The following F8 variants were observed in gnomAD, a reference collection of about 807,000 sequenced individuals.
F8 encodes the protein coagulation factor VIII.
Under a neutral mutation model 140.6 loss-of-function variants are expected in F8, and 12 were observed. That is an observed-to-expected ratio of 0.09 (90% CI 0.05 to 0.14). The LOEUF is 0.14. F8 is among the 10% of genes least tolerant of loss of function. F8 has a pLI of 1.00. For missense variants in F8, 1,354 were observed against 1,720.7 expected (o/e 0.79, Z 3.77); for synonymous variants, 585 against 614.6 (o/e 0.95, Z 0.71).
intron 9 of F8, among the ~76,000 whole-genome samples, chrX:154,964,656 C>G (rs2073414593): frequency 8.9e-6 from 1 of 111,760 alleles, no homozygotes; most frequent in Non-Finnish European, 1.9e-5. Context: ...TTATGCACTA[C>G]ATTCAAAAGT....
At chrX:154,906,621 G>A in intron 14 of F8, 48 bp from the exon 15 acceptor site, 1 of 1,139,535 alleles carries the variant, frequency 8.8e-7, no homozygotes, top group Non-Finnish European at 1.2e-6. Flanking sequence ...GTACCAAGTG[G>A]GTAGAAATGC....
At chrX:154,927,860 C>G (rs1384136425) in intron 14 of F8, among the ~76,000 whole-genome samples, 1 of 111,799 alleles carries the variant, frequency 8.9e-6, no homozygotes, top group Non-Finnish European at 1.9e-5. Flanking sequence ...GGCCTGTTAT[C>G]ATCATTTAGG....
intron 14 of F8, among the ~76,000 whole-genome samples, chrX:154,918,390 C>T (rs1319336775): frequency 9.0e-6 from 1 of 111,088 alleles, no homozygotes; most frequent in Non-Finnish European, 1.9e-5. Flanking sequence ...TCTAGCTGCC[C>T]TCAGGATTTT....
At position 154,903,953 on chromosome X, in the gene F8, A is replaced by G; in HGVS notation, c.5951T>C (p.Val1984Ala). 1 of 1,208,882 alleles carries G rather than the reference A, an allele frequency of 8.3e-7. No homozygotes were observed. Among genetic ancestry groups the G allele is most frequent in the Non-Finnish European group, 1.1e-6 (1 of 893,419 alleles). ...CATTTTATACTCCTCTTTTTTTCGTACAGTGAACACATGTCCACTGAAATG... is the reference window on the plus strand; with the variant it reads ...CATTTTATACTCCTCTTTTTTTCGTGCAGTGAACACATGTCCACTGAAATG... The part of the protein sequence containing the change: ...SIHFSGHVFT[V>A]RKKEEYKMAL... The change falls in exon 18 of 26, where the codon GTA becomes GCA. Residue 1984 changes from valine (V) to alanine (A), a missense_variant. By Grantham distance (64) the Val-to-Ala change is moderately conservative (BLOSUM62 0). Coordinates refer to ENST00000360256, the MANE Select transcript of F8 (RefSeq NM_000132.4).
intron 4 of F8, among the ~76,000 whole-genome samples, chrX:154,989,001 T>G (rs1197959764): frequency 8.9e-6 from 1 of 111,928 alleles, no homozygotes; most frequent in Non-Finnish European, 1.9e-5. Context: ...CTGTTCTGCT[T>G]CTGGTCCACA....
intron 9 of F8, among the ~76,000 whole-genome samples, chrX:154,964,081 GCACACA>G (rs782052060): frequency 9.4e-6 from 1 of 106,342 alleles, no homozygotes; most frequent in Non-Finnish European, 2.0e-5. Flanking sequence ...TGTGTGAAAT[GCACACA>G]CACACACACA....
chrX:154,982,206 G>A (rs1407148828), intron 6 of F8, among the ~76,000 whole-genome samples: 1 of 103,486 alleles, frequency 9.7e-6, no homozygotes, highest in East Asian at 3.1e-4. Flanking sequence ...TATATACTTT[G>A]GGAGGCCAAG....
At chrX:154,984,220 C>A (rs2073544752) in intron 6 of F8, among the ~76,000 whole-genome samples, 1 of 111,417 alleles carries the variant, frequency 9.0e-6, no homozygotes, top group Non-Finnish European at 1.9e-5. Context: ...TAAAGCCAGC[C>A]TGCCTCTATG....
intron 13 of F8, among the ~76,000 whole-genome samples, chrX:154,939,073 C>T: frequency 9.0e-6 from 1 of 111,404 alleles, no homozygotes; most frequent in Non-Finnish European, 1.9e-5. Context: ...CTCCAGTCTA[C>T]AGCTCCCAGC....
At chrX:154,937,684 T>C (rs2073232031) in intron 13 of F8, among the ~76,000 whole-genome samples, 2 of 111,312 alleles carry the variant, frequency 1.8e-5, no homozygotes, top group Non-Finnish European at 3.8e-5. Context: ...AAAAATATTA[T>C]AATAGCATTA....
intron 7 of F8, among the ~76,000 whole-genome samples, chrX:154,967,693 G>A (rs1362176910): frequency 2.7e-5 from 3 of 111,635 alleles, no homozygotes; most frequent in Middle Eastern, 4.2e-3. Flanking sequence ...AAACTGAATC[G>A]GGGTCCAACT....
chrX:154,977,184 TTG>T, intron 6 of F8, among the ~76,000 whole-genome samples: 1 of 112,268 alleles, frequency 8.9e-6, no homozygotes, highest in Non-Finnish European at 1.9e-5. Context: ...CTCCCAAATT[TTG>T]TGTTTTTGAT....
intron 25 of F8, among the ~76,000 whole-genome samples, chrX:154,848,773 C>T (rs943392382): frequency 7.2e-5 from 8 of 111,071 alleles, no homozygotes; most frequent in Non-Finnish European, 1.3e-4. Flanking sequence ...GGCTCATGCT[C>T]GGTGGGCTGC....
At chrX:155,015,784 A>C (rs1479180277) in intron 1 of F8, among the ~76,000 whole-genome samples, 2 of 112,374 alleles carry the variant, frequency 1.8e-5, no homozygotes, top group Admixed American at 9.4e-5. Flanking sequence ...ATACTCATGT[A>C]ACAAACCTGC....
chrX:154,994,009 T>C (rs1293207580), intron 3 of F8, among the ~76,000 whole-genome samples: 2 of 112,299 alleles, frequency 1.8e-5, no homozygotes, highest in African/African-American at 6.5e-5. Flanking sequence ...AAGATAGAAG[T>C]CTCTATGCCC....
chrX:154,948,038 A>C, intron 12 of F8, 131 bp from the exon 13 acceptor site: 2 of 562,131 alleles, frequency 3.6e-6, no homozygotes, highest in Non-Finnish European at 6.0e-6. Context: ...GAGATATTAT[A>C]TCTTCCAAAA....
intron 6 of F8, among the ~76,000 whole-genome samples, chrX:154,976,670 C>G (rs782428225): frequency 9.5e-6 from 1 of 105,589 alleles, no homozygotes; most frequent in Non-Finnish European, 1.9e-5. Flanking sequence ...TGAGAATATG[C>G]GGTCCAAATG....
Position 155,009,684 on chromosome X carries a change from G to A in F8, c.144-10084C>T, listed in dbSNP as rs782195841. On this transcript the variant is annotated intron_variant, in intron 1 of 25. Coordinates refer to ENST00000360256, the MANE Select transcript of F8 (RefSeq NM_000132.4). ...CGGGAGGCAGAGGTTGCAGTGAGCCGAGATCATGCCACTGCACTCCAGCCT... is the reference window on the plus strand; with the variant it reads ...CGGGAGGCAGAGGTTGCAGTGAGCCAAGATCATGCCACTGCACTCCAGCCT... 4.5e-5 allele frequency among the ~76,000 whole-genome samples: 5 copies of A among 110,763 alleles called. No homozygotes were observed. In the South Asian group the frequency reaches 1.1e-3, roughly 25 times the overall value.
At chrX:155,017,675 G>T (rs370192569) in intron 1 of F8, among the ~76,000 whole-genome samples, 28 of 110,790 alleles carry the variant, frequency 2.5e-4, no homozygotes, top group African/African-American at 8.9e-4. Flanking sequence ...AATAAAGCTG[G>T]GGTGGGGTGG....
Sources: allele counts gnomAD v4.1 joint callset (sites outside exome capture counted in the v4.1 genomes callset), GRCh38; gene constraint gnomAD v4.1.1; transcripts MANE v1.5; gene names NCBI Gene and HGNC (gene_info 2026-07-23, HGNC 2026-07-21).